Variants in CATSPERE observed in about 807,000 individuals in gnomAD.
CATSPERE encodes the protein cation channel sperm-associated auxiliary subunit epsilon.
CATSPERE carries 93 observed loss-of-function variants against 114.1 expected under a neutral mutation model. The observed-to-expected ratio is 0.81, with a 90% CI of 0.69 to 0.97. CATSPERE has a LOEUF of 0.97. CATSPERE is among the 50% of genes least tolerant of loss of function. The pLI, the probability that CATSPERE is intolerant of heterozygous loss-of-function variation, is 0.00. For missense variants in CATSPERE, 1,058 were observed against 1,131.6 expected, an observed-to-expected ratio of 0.93 and a Z score of 0.93; for synonymous variants, 341 against 384.1, an observed-to-expected ratio of 0.89 and a Z score of 1.31.
intron 8 of CATSPERE, among the ~76,000 whole-genome samples, chr1:244,542,380 AT>A (rs1387700664): frequency 6.6e-6 from 1 of 152,112 alleles, no homozygotes; most frequent in Non-Finnish European, 1.5e-5. Flanking sequence ...TGTTACACGG[AT>A]ATATTGAGTA....
chr1:244,571,046 TG>T (rs1664371411), intron 10 of CATSPERE, among the ~76,000 whole-genome samples: 1 of 152,218 alleles, frequency 6.6e-6, no homozygotes, highest in Non-Finnish European at 1.5e-5. Flanking sequence ...AACAATGTAT[TG>T]TTTTGTTTCC....
intron 19 of CATSPERE, among the ~76,000 whole-genome samples, chr1:244,611,607 A>T (rs1187084707): frequency 1.3e-5 from 2 of 152,162 alleles, no homozygotes; most frequent in Non-Finnish European, 2.9e-5. Context: ...AAAAGAAAAA[A>T]AAATCAAATT....
intron 21 of CATSPERE, among the ~76,000 whole-genome samples, chr1:244,638,698 C>T (rs1258719236): frequency 1.3e-5 from 2 of 152,156 alleles, no homozygotes; most frequent in African/African-American, 4.8e-5. Context: ...TTTAATCTAC[C>T]TTAAAACTGA....
intron 10 of CATSPERE, 41 bp from the exon 11 acceptor site, chr1:244,572,289 A>G (rs1664581503): frequency 1.0e-6 from 1 of 971,794 alleles, no homozygotes; most frequent in South Asian, 1.7e-5. Context: ...AGCACGATTT[A>G]TGGTTACTTA....
intron 21 of CATSPERE, among the ~76,000 whole-genome samples, chr1:244,638,447 G>A (rs908541537): frequency 3.3e-5 from 5 of 152,240 alleles, no homozygotes; most frequent in African/African-American, 9.6e-5. Context: ...GCCTTTAAAT[G>A]TTGGCCTCCC....
At chr1:244,478,422 A>C (rs1384505951) in intron 4 of CATSPERE, among the ~76,000 whole-genome samples, 2 of 152,212 alleles carry the variant, frequency 1.3e-5, no homozygotes, top group Non-Finnish European at 2.9e-5. Context: ...TTTACCAAAA[A>C]CACCCAAAGG....
chr1:244,460,217 C>T (rs1449648213), upstream of CATSPERE, among the ~76,000 whole-genome samples: 1 of 152,192 alleles, frequency 6.6e-6, no homozygotes, highest in Non-Finnish European at 1.5e-5. Context: ...ACTAGATTGC[C>T]TTTGTAGGAC....
intron 19 of CATSPERE, among the ~76,000 whole-genome samples, chr1:244,613,001 G>T (rs1670938621): frequency 6.6e-6 from 1 of 152,136 alleles, no homozygotes; most frequent in South Asian, 2.1e-4. Context: ...GAGTCAGCAG[G>T]TATCATCATT....
intron 1 of CATSPERE, among the ~76,000 whole-genome samples, chr1:244,462,670 T>C (rs1225902248): frequency 6.6e-6 from 1 of 152,236 alleles, no homozygotes; most frequent in Non-Finnish European, 1.5e-5. Context: ...ATTTCATTTT[T>C]ATTTATAGGT....
chr1:244,597,427 C>T (rs1668582781), intron 17 of CATSPERE, among the ~76,000 whole-genome samples: 1 of 152,142 alleles, frequency 6.6e-6, no homozygotes, highest in Non-Finnish European at 1.5e-5. Context: ...TCATTTACCC[C>T]TACTTGAAAT....
upstream of CATSPERE, among the ~76,000 whole-genome samples, chr1:244,453,516 T>C (rs1375513031): frequency 6.6e-6 from 1 of 152,226 alleles, no homozygotes; most frequent in Non-Finnish European, 1.5e-5. Context: ...TGGGGGCTTG[T>C]CTGGCATTGC....
chr1:244,553,406 G>A (rs1219540048), intron 9 of CATSPERE, among the ~76,000 whole-genome samples: 4 of 151,380 alleles, frequency 2.6e-5, no homozygotes, highest in Non-Finnish European at 5.9e-5. Flanking sequence ...AAAATTAGCT[G>A]GGCGCAGTGG....
intron 11 of CATSPERE, among the ~76,000 whole-genome samples, chr1:244,581,397 G>GA (rs1271690929): frequency 6.6e-6 from 1 of 152,136 alleles, no homozygotes; most frequent in African/African-American, 2.4e-5. Context: ...TATACCTCCT[G>GA]AAAAGCACAT....
intron 6 of CATSPERE, among the ~76,000 whole-genome samples, chr1:244,496,421 G>A (rs370969919): frequency 3.3e-5 from 5 of 152,296 alleles, no homozygotes; most frequent in Admixed American, 6.5e-5. Flanking sequence ...TGATGGATGG[G>A]TAGACTTGGC....
chr1:244,517,944 TGTTTTTA>T, intron 7 of CATSPERE, among the ~76,000 whole-genome samples: 1 of 150,846 alleles, frequency 6.6e-6, no homozygotes, highest in African/African-American at 2.5e-5. Context: ...GTGGATGCCA[TGTTTTTA>T]GAAAATTAAA....
At chr1:244,461,975 G>A (rs963361259) in intron 1 of CATSPERE, among the ~76,000 whole-genome samples, 8 of 151,946 alleles carry the variant, frequency 5.3e-5, no homozygotes, top group African/African-American at 1.9e-4. Context: ...CACCACGCTT[G>A]GCTAAATTAA....
In CATSPERE at chr1:244,591,663, ATGTTT is replaced by A; in HGVS notation, c.2139-14_2139-10del. The A allele has an allele frequency of 7.1e-7, 1 of 1,413,208 alleles. No individual in the cohort carries two copies. Among genetic ancestry groups the A allele is most frequent in the Non-Finnish European group, 9.9e-7 (1 of 1,014,238 alleles). 87.5% of individuals were successfully genotyped at this position (1,413,208 alleles called of 1,614,324 possible). ...TAAGAAATGATATTTCAACTTCATT[ATGTTT>A]TGTCTTTTGTAGATTTAGTAAAAAA... is the stretch of plus-strand genomic sequence containing the variant. On this transcript the variant is annotated splice_polypyrimidine_tract_variant and intron_variant, in intron 14 of 21. Coordinates refer to ENST00000366534, the MANE Select transcript of CATSPERE (RefSeq NM_001130957.2).
At chr1:244,570,189 G>T (rs1449269576) in intron 10 of CATSPERE, among the ~76,000 whole-genome samples, 1 of 151,938 alleles carries the variant, frequency 6.6e-6, no homozygotes, top group Middle Eastern at 3.4e-3. Flanking sequence ...TGTCTTTCTA[G>T]GAAATAATTC....
rs1665096793 is a variant in CATSPERE at position 244,575,428 on chromosome 1, C to G, written c.1950+2656C>G. Reference sequence around the variant, plus strand: ...CATGGTATCCTGGCCCCGGCACACTCACACTTTCCTGCTCAGCTCTAACTT... The same window carrying G: ...CATGGTATCCTGGCCCCGGCACACTGACACTTTCCTGCTCAGCTCTAACTT... On this transcript the variant is annotated intron_variant, in intron 11 of 21. Coordinates refer to ENST00000366534, the MANE Select transcript of CATSPERE (RefSeq NM_001130957.2). The surrounding 1 kb of genome is among the most constrained non-coding windows in gnomAD (Gnocchi z 4.5). Among the ~76,000 whole-genome samples the G allele has an allele frequency of 6.6e-6, 1 of 152,214 alleles. No individual in the cohort carries two copies. Among genetic ancestry groups the G allele is most frequent in the African/African-American group, 2.4e-5 (1 of 41,452 alleles).
Sources: gnomAD v4.1 joint callset for allele counts (sites outside exome capture counted in the v4.1 genomes callset) on GRCh38, gnomAD v4.1.1 for gene constraint, Gnocchi (gnomAD v3.1) non-coding constraint, MANE v1.5 for transcripts, NCBI Gene and HGNC (gene_info 2026-07-23, HGNC 2026-07-21) for gene names.